COMMD1: variants seen among roughly 807,000 people sequenced by gnomAD.
COMMD1 encodes COMM domain-containing protein 1.
A neutral mutation model predicts 17.2 loss-of-function variants in COMMD1; 10 were observed. That is an observed-to-expected ratio of 0.58 (90% CI 0.36 to 0.99). COMMD1 has a LOEUF of 0.99. Among genes scored for constraint, COMMD1 ranks in the 50% least tolerant of loss-of-function variants. The pLI is 0.01. For missense variants in COMMD1, 270 were observed against 231.8 expected (o/e 1.17, Z -1.07); for synonymous variants, 97 against 91.6 (o/e 1.06, Z -0.34).
intron 1 of COMMD1, among the ~76,000 whole-genome samples, chr2:61,926,916 G>A (rs955344108): frequency 6.6e-6 from 1 of 152,002 alleles, no homozygotes; most frequent in African/African-American, 2.4e-5. Flanking sequence ...CCTCAACCTT[G>A]GCTAAATAAA....
chr2:61,983,282 T>A (rs1210724661), intron 1 of COMMD1, among the ~76,000 whole-genome samples: 2 of 151,462 alleles, frequency 1.3e-5, no homozygotes, highest in African/African-American at 4.9e-5. Flanking sequence ...CTCCGCATCC[T>A]GGGTTCAAGT....
chr2:62,027,305 G>A lies in COMMD1; in HGVS notation c.462+26323G>A, dbSNP rs531307229. Among the ~76,000 whole-genome samples the A allele has an allele frequency of 9.9e-4, 151 of 152,216 alleles. 2 individuals carry two copies. The highest frequency in any genetic ancestry group is 3.3e-3 in the African/African-American group (138 of 41,530). ...GAGCTGTAAGAGTTTATAAAATCATGGTTCTAATATTTACCATCTCTGTGG... is the reference window on the plus strand; with the variant it reads ...GAGCTGTAAGAGTTTATAAAATCATAGTTCTAATATTTACCATCTCTGTGG... On this transcript the variant is annotated intron_variant, in intron 2 of 2. Transcript: ENST00000311832.
At chr2:61,896,630 T>C (rs1669553863) in intron 1 of COMMD1, among the ~76,000 whole-genome samples, 1 of 152,070 alleles carries the variant, frequency 6.6e-6, no homozygotes, top group African/African-American at 2.4e-5. Context: ...CTTACAACTC[T>C]TCAGGGACTC....
chr2:62,134,027 C>A (rs1003825240), intron 2 of COMMD1, among the ~76,000 whole-genome samples: 1 of 152,070 alleles, frequency 6.6e-6, no homozygotes, highest in Non-Finnish European at 1.5e-5. Context: ...GTATTGAACT[C>A]CTGGCTTCAA....
intron 1 of COMMD1, among the ~76,000 whole-genome samples, chr2:61,927,323 T>C (rs182834583): frequency 1.3e-5 from 2 of 152,332 alleles, no homozygotes; most frequent in South Asian, 2.1e-4. Flanking sequence ...CCTCATTCTT[T>C]GGAAGGTCAG....
intron 2 of COMMD1, among the ~76,000 whole-genome samples, chr2:62,052,346 A>G (rs1383414857): frequency 6.6e-6 from 1 of 152,172 alleles, no homozygotes; most frequent in Admixed American, 6.5e-5. Context: ...AAATAAATAG[A>G]TTAAAATTAA....
chr2:61,945,683 A>C (rs534201192), intron 1 of COMMD1, among the ~76,000 whole-genome samples: 2 of 152,332 alleles, frequency 1.3e-5, no homozygotes, highest in South Asian at 4.1e-4. Context: ...TTGCTTTTAT[A>C]CAATTTAGGG....
chr2:62,124,553 T>C (rs1672840328), intron 2 of COMMD1, among the ~76,000 whole-genome samples: 1 of 152,096 alleles, frequency 6.6e-6, no homozygotes, highest in South Asian at 2.1e-4. Context: ...TTTGTTTGTT[T>C]GTTTGTTTGT....
In COMMD1 at chr2:61,905,867, C is replaced by G. The variant is rs55827392; in HGVS notation, c.180+9C>G. The G allele has an allele frequency of 6.2e-7, 1 of 1,614,070 alleles. No homozygotes were observed. The highest frequency in any genetic ancestry group is 8.5e-7 in the Non-Finnish European group (1 of 1,179,930). On this transcript the variant is annotated intron_variant, in intron 1 of 2. Coordinates refer to ENST00000311832, the MANE Select transcript of COMMD1 (RefSeq NM_152516.4). ...TGAGGGGGATTCTTAAGGTACTGCT[C>G]TTTTCTGTAGTCTCCGGCTTGGAGC...
intron 2 of COMMD1, among the ~76,000 whole-genome samples, chr2:62,083,081 A>C (rs558882399): frequency 6.6e-6 from 1 of 152,280 alleles, no homozygotes; most frequent in African/African-American, 2.4e-5. Flanking sequence ...CAACATACTG[A>C]GACCCCATCT....
intron 2 of COMMD1, among the ~76,000 whole-genome samples, chr2:62,097,889 T>A (rs912561608): frequency 4.3e-4 from 65 of 152,232 alleles, no homozygotes; most frequent in African/African-American, 1.5e-3. Flanking sequence ...GGGGAAACCC[T>A]CTCTGTTCCC....
In COMMD1 at chr2:62,030,337, G is replaced by A. The variant is rs144170825; in HGVS notation, c.462+29355G>A. On this transcript the variant is annotated intron_variant, in intron 2 of 2. Coordinates refer to ENST00000311832, the MANE Select transcript of COMMD1 (RefSeq NM_152516.4). The stretch of plus-strand genomic sequence containing the variant: ...GATTCTAGTTTCTGTGGCTGACCTC[G>A]GGGGAGAATGGGACTAAGAGACAGG... Among the ~76,000 whole-genome samples, 594 of 152,272 alleles carry A rather than the reference G, an allele frequency of 3.9e-3. 2 individuals carry two copies. The highest frequency in any genetic ancestry group is 6.2e-3 in the Non-Finnish European group (424 of 68,016).
intron 1 of COMMD1, among the ~76,000 whole-genome samples, chr2:61,964,166 A>G (rs1671445326): frequency 6.6e-6 from 1 of 152,160 alleles, no homozygotes; most frequent in East Asian, 1.9e-4. Flanking sequence ...TATCACTTAA[A>G]TGTTGCAAGA....
intron 1 of COMMD1, among the ~76,000 whole-genome samples, chr2:61,963,159 C>CAAAA (rs1393298930): frequency 1.8e-4 from 21 of 119,578 alleles, no homozygotes; most frequent in African/African-American, 5.8e-4. Context: ...GACCCTGTCT[C>CAAAA]AAAAAAAAAA....
At chr2:61,955,419 T>C (rs1366806791) in intron 1 of COMMD1, among the ~76,000 whole-genome samples, 7 of 152,130 alleles carry the variant, frequency 4.6e-5, no homozygotes, top group Admixed American at 4.6e-4. Context: ...TGTACCTAGC[T>C]TGTCTTTGCA....
intron 2 of COMMD1, among the ~76,000 whole-genome samples, chr2:62,056,528 T>C (rs770530999): frequency 1.3e-4 from 20 of 152,204 alleles, no homozygotes; most frequent in Admixed American, 7.9e-4. Flanking sequence ...CAGAGGAGAA[T>C]GACGACTGTG....
chr2:61,896,231 T>C (rs1312094812), intron 1 of COMMD1, among the ~76,000 whole-genome samples: 4 of 152,124 alleles, frequency 2.6e-5, no homozygotes, highest in Admixed American at 2.6e-4. Context: ...TGCAACAGCG[T>C]TGGGAAGTGG....
intron 1 of COMMD1, among the ~76,000 whole-genome samples, chr2:61,955,695 T>C (rs569638518): frequency 1.8e-4 from 27 of 152,092 alleles, no homozygotes; most frequent in Admixed American, 1.3e-3. Flanking sequence ...AGAATTGATA[T>C]TTTTTTTGAG....
At chr2:62,025,715 G>A (rs1036938604) in intron 2 of COMMD1, among the ~76,000 whole-genome samples, 2 of 152,128 alleles carry the variant, frequency 1.3e-5, no homozygotes, top group African/African-American at 2.4e-5. Flanking sequence ...TGGAGTCAGA[G>A]TGTCGCTCTG....
Sources: allele counts gnomAD v4.1 joint callset (sites outside exome capture counted in the v4.1 genomes callset), GRCh38; gene constraint gnomAD v4.1.1; transcripts MANE v1.5; gene names NCBI Gene and HGNC (gene_info 2026-07-23, HGNC 2026-07-21).